TARBP1: variants seen among roughly 807,000 people sequenced by gnomAD.
TARBP1 encodes the protein tRNA guanosine 2 -O-methyltransferase TARBP1.
In TARBP1, 144 loss-of-function variants were observed where a neutral mutation model predicts 178.6. The observed-to-expected ratio is 0.81, with a 90% CI of 0.70 to 0.93. The LOEUF (loss-of-function observed/expected upper bound fraction) is 0.93, where lower values mean the gene tolerates loss of function less well. TARBP1 is among the 40% of genes least tolerant of loss of function. The pLI, the probability that TARBP1 is intolerant of heterozygous loss-of-function variation, is 0.00. For missense variants in TARBP1, 2,067 were observed against 2,011.7 expected (o/e 1.03, Z -0.53); for synonymous variants, 787 against 781.0 (o/e 1.01, Z -0.13).
rs1472100047 is a variant in TARBP1, at chr1:234,463,950, G to A, written c.1302-16C>T. 1 of 1,505,894 alleles carries A rather than the reference G, an allele frequency of 6.6e-7. No individual in the cohort carries two copies. The highest frequency in any genetic ancestry group is 9.0e-7 in the Non-Finnish European group (1 of 1,115,736). 93.3% of individuals were successfully genotyped at this position (1,505,894 alleles called of 1,614,324 possible). Reference sequence around the variant, plus strand: ...GCCTGGGGACCTACAAACAGAGAGTGGGGAAAACAAATATTTAACATTTAT... The same window carrying A: ...GCCTGGGGACCTACAAACAGAGAGTAGGGAAAACAAATATTTAACATTTAT... On this transcript the variant is annotated splice_polypyrimidine_tract_variant and intron_variant, in intron 5 of 29. Coordinates refer to ENST00000040877, the MANE Select transcript of TARBP1 (RefSeq NM_005646.4).
rs556625774 is a variant in TARBP1 at position 234,398,592 on chromosome 1, A to C, written c.4072-39T>G. ...TATAAAATCTAAATTTCTTCCCTTA[A>C]GAATAACAAAGAAATATATAACATT... On this transcript the variant is annotated intron_variant, in intron 25 of 29. Coordinates refer to ENST00000040877, the MANE Select transcript of TARBP1 (RefSeq NM_005646.4). The C allele has an allele frequency of 3.6e-6, 5 of 1,405,116 alleles. No homozygotes were observed. The South Asian group carries it at 5.9e-5, about 17-fold the overall frequency. 87.0% of individuals were successfully genotyped at this position (1,405,116 alleles called of 1,614,324 possible). A position where few individuals can be genotyped will look rare whatever the true frequency, so the allele number is the denominator to read the frequency against.
intron 12 of TARBP1, among the ~76,000 whole-genome samples, chr1:234,438,931 T>C (rs1408348314): frequency 2.0e-5 from 3 of 152,198 alleles, no homozygotes; most frequent in Non-Finnish European, 4.4e-5. Flanking sequence ...CTGACTACTA[T>C]GGAGTTCTCA....
At chr1:234,447,797 G>GT (rs34345227) in intron 11 of TARBP1, among the ~76,000 whole-genome samples, 45,551 of 151,586 alleles carry the variant, frequency 0.3, 7,046 homozygotes, top group Admixed American at 0.41. Context: ...CTTTATTACC[G>GT]TTTTTTTAAT....
chr1:234,475,001 T>G (rs955861416), intron 1 of TARBP1, among the ~76,000 whole-genome samples: 2 of 152,222 alleles, frequency 1.3e-5, no homozygotes, highest in Admixed American at 6.5e-5. Context: ...GAGCAAGACA[T>G]GGTCACCCAA....
At chr1:234,433,214 G>A (rs896042017) in intron 14 of TARBP1, among the ~76,000 whole-genome samples, 196 bp downstream of exon 14, 1 of 152,090 alleles carries the variant, frequency 6.6e-6, no homozygotes, top group Non-Finnish European at 1.5e-5. Flanking sequence ...CCCCAGCCTG[G>A]GTGACAGAGC....
Position 234,446,870 on chromosome 1 carries a change from G to A in TARBP1, c.2067C>T (p.Asp689=). ...TNAYMPLLKT[D]RCLQLLLKLL... is the part of the protein sequence containing the mutation. ...GCTTCAACAGCAGCTGGAGGCATCT[G>A]TCAGTCTTCAGCAAGGGCATGTAGG... Residue 689 remains aspartate (D), a synonymous_variant, in exon 12 of 30, where the codon GAC becomes GAT. Transcript: ENST00000040877. 6.2e-7 allele frequency: 1 copy of A among 1,614,030 alleles called. No individual in the cohort carries two copies. Among genetic ancestry groups the A allele is most frequent in the Non-Finnish European group, 8.5e-7 (1 of 1,179,978 alleles).
intron 11 of TARBP1, among the ~76,000 whole-genome samples, 178 bp from the exon 12 acceptor site, chr1:234,447,153 TGAGG>T (rs1311859843): frequency 1.3e-5 from 2 of 152,022 alleles, no homozygotes; most frequent in Non-Finnish European, 2.9e-5. Context: ...TGCTTTCCCG[TGAGG>T]GTGGCGACTC....
intron 9 of TARBP1, among the ~76,000 whole-genome samples, chr1:234,456,046 T>C (rs1009045776): frequency 3.3e-5 from 5 of 152,234 alleles, no homozygotes; most frequent in Non-Finnish European, 5.9e-5. Flanking sequence ...TGGTATTGTA[T>C]CACTGTAGAT....
chr1:234,444,477 G>A (rs935079563), intron 12 of TARBP1, among the ~76,000 whole-genome samples: 3 of 151,036 alleles, frequency 2.0e-5, no homozygotes, highest in African/African-American at 7.4e-5. Flanking sequence ...ACAGTAAAGT[G>A]GTATTGCACA....
chr1:234,420,683 T>C lies in TARBP1; in HGVS notation c.3555+19A>G, dbSNP rs1662981257. The C allele has an allele frequency of 6.6e-7, 1 of 1,521,936 alleles. No homozygotes were observed. Among genetic ancestry groups the C allele is most frequent in the South Asian group, 1.2e-5 (1 of 85,256 alleles). 94.3% of individuals were successfully genotyped at this position (1,521,936 alleles called of 1,614,324 possible). A position where few individuals can be genotyped will look rare whatever the true frequency, so the allele number is the denominator to read the frequency against. ...AAATCATATGCTTCAAAGGTACAAA[T>C]ATAATAAAAATATGATACCTGGTCA... On this transcript the variant is annotated intron_variant, in intron 21 of 29. Transcript: ENST00000040877.
chr1:234,474,299 T>C (rs1276920982), intron 1 of TARBP1, among the ~76,000 whole-genome samples: 1 of 114,356 alleles, frequency 8.7e-6, no homozygotes, highest in South Asian at 3.1e-4. Flanking sequence ...AAGGGGACAT[T>C]TAAAAAAAAA....
chr1:234,463,128 T>TTTTTTTTTTG (rs1553302203), intron 6 of TARBP1, among the ~76,000 whole-genome samples: 1 of 24,704 alleles, frequency 4.0e-5, no homozygotes, highest in African/African-American at 9.2e-5. Context: ...TGTTTTTTTG[T>TTTTTTTTTTG]TTTTTTTGTT....
At chr1:234,434,551 C>G (rs760791534) in intron 13 of TARBP1, among the ~76,000 whole-genome samples, 1 of 152,106 alleles carries the variant, frequency 6.6e-6, no homozygotes, top group African/African-American at 2.4e-5. Context: ...ACATTCACTG[C>G]GACAGTAACC....
intron 6 of TARBP1, among the ~76,000 whole-genome samples, chr1:234,460,843 T>C (rs1160611026): frequency 6.6e-6 from 1 of 152,186 alleles, no homozygotes; most frequent in African/African-American, 2.4e-5. Flanking sequence ...TACAGTGAAA[T>C]ACTATTCAGC....
At chr1:234,424,433 G>A (rs922398716) in intron 20 of TARBP1, among the ~76,000 whole-genome samples, 8 of 152,250 alleles carry the variant, frequency 5.3e-5, no homozygotes, top group South Asian at 2.1e-4. Flanking sequence ...AATAAATAAC[G>A]AATTTTCATC....
At chr1:234,429,038 G>A (rs1438566407) in intron 17 of TARBP1, 98 bp downstream of exon 17, 3 of 1,126,398 alleles carry the variant, frequency 2.7e-6, no homozygotes, top group Non-Finnish European at 3.6e-6. Context: ...AAGGAATAAA[G>A]AGCCAAAAAT....
chr1:234,404,250 A>G (rs1277326432), intron 24 of TARBP1, among the ~76,000 whole-genome samples: 1 of 152,126 alleles, frequency 6.6e-6, no homozygotes, highest in Non-Finnish European at 1.5e-5. Flanking sequence ...AATTATGGCA[A>G]TTCCCTCAAA....
intron 9 of TARBP1, among the ~76,000 whole-genome samples, chr1:234,454,613 A>C (rs1331529419): frequency 1.3e-5 from 2 of 152,206 alleles, no homozygotes; most frequent in Non-Finnish European, 2.9e-5. Flanking sequence ...AAAACTAAAC[A>C]AAATCAAAAA....
intron 1 of TARBP1, among the ~76,000 whole-genome samples, chr1:234,474,094 A>G (rs1226589842): frequency 1.3e-5 from 2 of 152,090 alleles, no homozygotes; most frequent in African/African-American, 4.8e-5. Flanking sequence ...AATTTAAAAA[A>G]TTATCAGGGC....
Sources: allele counts gnomAD v4.1 joint callset (sites outside exome capture counted in the v4.1 genomes callset), GRCh38; gene constraint gnomAD v4.1.1; transcripts MANE v1.5; gene names NCBI Gene and HGNC (gene_info 2026-07-23, HGNC 2026-07-21).